Variants in PCDHGA3 observed in about 807,000 individuals in gnomAD.
PCDHGA3 encodes the protein protocadherin gamma subfamily A, 3, also known as protocadherin gamma-A3.
In PCDHGA3, 40 loss-of-function variants were observed where a neutral mutation model predicts 58.5. The ratio of observed to expected loss-of-function variants is 0.68; its 90% confidence interval spans 0.53 to 0.89. The LOEUF (loss-of-function observed/expected upper bound fraction) is 0.89. Ranked by LOEUF, PCDHGA3 falls within the 40% of genes least tolerant of loss-of-function variation. The pLI, the probability that PCDHGA3 is intolerant of heterozygous loss-of-function variation, is 0.00. For synonymous variants in PCDHGA3, 530 were observed against 525.7 expected, an observed-to-expected ratio of 1.01 and a Z score of -0.11; for missense variants, 1,223 against 1,195.9, an observed-to-expected ratio of 1.02 and a Z score of -0.33.
intron 1 of PCDHGA3, among the ~76,000 whole-genome samples, chr5:141,452,271 C>A (rs1592214421): frequency 6.6e-6 from 1 of 152,108 alleles, no homozygotes. Flanking sequence ...TTTCTTGAAC[C>A]CTTTCTTACT....
intron 1 of PCDHGA3, chr5:141,360,753 T>G (rs1761729946): frequency 6.2e-7 from 1 of 1,613,848 alleles, no homozygotes; most frequent in Non-Finnish European, 8.5e-7. Context: ...AAGAGCACAG[T>G]TTACATCAAT....
chr5:141,409,116 A>G (rs1236625059), intron 1 of PCDHGA3: 1 of 1,614,034 alleles, frequency 6.2e-7, no homozygotes. Flanking sequence ...AAGAATAACC[A>G]GTCATTTGAT....
At chr5:141,421,423 C>T in intron 1 of PCDHGA3, 1 of 1,614,052 alleles carries the variant, frequency 6.2e-7, no homozygotes, top group Non-Finnish European at 8.5e-7. Context: ...GCGCGGAGTC[C>T]GCATCGTCTC....
intron 1 of PCDHGA3, among the ~76,000 whole-genome samples, chr5:141,359,644 G>T (rs1297156437): frequency 6.6e-6 from 1 of 152,004 alleles, no homozygotes; most frequent in Non-Finnish European, 1.5e-5. Flanking sequence ...GTGTAAAGAA[G>T]GAGACAGAAT....
In PCDHGA3 at chr5:141,351,040, G is replaced by A. The variant is rs780012023; in HGVS notation, c.2424+4583G>A. ...TACCGTGGGGAACCTCCGTGCTGCG[G>A]GTGATGGCCACAGACCAGGATGAGG... On this transcript the variant is annotated intron_variant, in intron 1 of 3. Transcript: ENST00000253812. 16 of 1,613,958 alleles carry A rather than the reference G, an allele frequency of 9.9e-6. No homozygotes were observed. The Middle Eastern group carries it at 4.9e-4, about 50-fold the overall frequency.
At position 141,489,888 on chromosome 5, in the gene PCDHGA3, T is replaced by TG. The variant is rs759744295; in HGVS notation, c.2425-4913dup. On this transcript the variant is annotated intron_variant, in intron 1 of 3. Coordinates refer to ENST00000253812, the MANE Select transcript of PCDHGA3 (RefSeq NM_018916.4). The surrounding 1 kb of genome is among the most constrained non-coding windows in gnomAD (Gnocchi z 4.5). ...ATCAGCTGGTGCTTACTGCTGTGGATGGGGGGACCCCAGCCCGCTCAGGGA... is the reference window on the plus strand; with the variant it reads ...ATCAGCTGGTGCTTACTGCTGTGGATGGGGGGGACCCCAGCCCGCTCAGGGA... 6.4e-5 allele frequency: 103 copies of TG among 1,614,088 alleles called. No individual in the cohort carries two copies. Among genetic ancestry groups the TG allele is most frequent in the Non-Finnish European group, 8.6e-5 (101 of 1,180,048 alleles).
intron 1 of PCDHGA3, chr5:141,403,095 T>A (rs754367041): frequency 6.2e-7 from 1 of 1,614,026 alleles, no homozygotes; most frequent in East Asian, 2.2e-5. Flanking sequence ...GTGGGCAACA[T>A]CTCCAAGGAC....
chr5:141,356,169 T>C (rs1760137963), intron 1 of PCDHGA3: 1 of 1,613,022 alleles, frequency 6.2e-7, no homozygotes, highest in Non-Finnish European at 8.5e-7. Context: ...AAGCCCATGA[T>C]GGGCCTGGTC....
chr5:141,413,372 G>T lies in PCDHGA3; in HGVS notation c.2424+66915G>T, dbSNP rs760934804. ...CTGGCGCCCCGGGAGCTGGCGGAGCGCGGAGTCCGCATAGTCTCCAGAGGT... is the reference window on the plus strand; with the variant it reads ...CTGGCGCCCCGGGAGCTGGCGGAGCTCGGAGTCCGCATAGTCTCCAGAGGT... On this transcript the variant is annotated intron_variant, in intron 1 of 3. Transcript: ENST00000253812. The T allele has an allele frequency of 1.9e-6, 3 of 1,613,950 alleles. No individual in the cohort carries two copies. The South Asian group carries it at 3.3e-5, about 18-fold the overall frequency.
intron 1 of PCDHGA3, among the ~76,000 whole-genome samples, chr5:141,437,771 A>G (rs971065583): frequency 7.9e-5 from 12 of 151,238 alleles, no homozygotes; most frequent in Admixed American, 6.6e-5. Context: ...CAGAGTCTCA[A>G]TCTGTCGCCA....
intron 1 of PCDHGA3, among the ~76,000 whole-genome samples, chr5:141,401,851 T>C (rs902809229): frequency 3.9e-5 from 6 of 152,242 alleles, no homozygotes; most frequent in African/African-American, 1.4e-4. Context: ...CACTTACTTT[T>C]AACCTTTCAG....
chr5:141,478,163 C>G (rs779617960), intron 1 of PCDHGA3: 22 of 1,614,028 alleles, frequency 1.4e-5, no homozygotes, highest in Non-Finnish European at 1.9e-5. Context: ...TGGCTCTGCC[C>G]CCCGGGAGCA....
intron 1 of PCDHGA3, among the ~76,000 whole-genome samples, chr5:141,482,605 C>T (rs2099569133): frequency 6.7e-6 from 1 of 150,032 alleles, no homozygotes; most frequent in Admixed American, 6.6e-5. Flanking sequence ...GAAAAAACAC[C>T]TAAATGAGCC....
At position 141,418,594 on chromosome 5, in the gene PCDHGA3, C is replaced by G. The variant is rs775489120; in HGVS notation, c.2424+72137C>G. 2.9e-5 allele frequency: 47 copies of G among 1,613,904 alleles called. No individual in the cohort carries two copies. In the South Asian group the frequency reaches 4.6e-4, roughly 16 times the overall value. On this transcript the variant is annotated intron_variant, in intron 1 of 3. Transcript: ENST00000253812. ...ACAACCCCCCAGTGTTCAGCCAGGA[C>G]GTGTACAGGGTTAGCCTTCGGGAAG...
chr5:141,356,080 T>C, intron 1 of PCDHGA3: 4 of 1,613,922 alleles, frequency 2.5e-6, no homozygotes, highest in East Asian at 2.2e-5. Flanking sequence ...GCTATTTCAG[T>C]TGAATTCTCT....
chr5:141,456,746 T>C (rs548254725), intron 1 of PCDHGA3, among the ~76,000 whole-genome samples: 51 of 151,874 alleles, frequency 3.4e-4, no homozygotes, highest in African/African-American at 1.0e-3. Context: ...GGGAGCATCA[T>C]GAGGTCAGGA....
intron 1 of PCDHGA3, chr5:141,375,888 C>T (rs1049224011): frequency 6.2e-7 from 1 of 1,613,700 alleles, no homozygotes; most frequent in Non-Finnish European, 8.5e-7. Flanking sequence ...GGCCAGAACG[C>T]CTGGCTGTCC....
intron 1 of PCDHGA3, chr5:141,365,783 G>A: frequency 6.2e-7 from 1 of 1,613,842 alleles, no homozygotes; most frequent in Non-Finnish European, 8.5e-7. Flanking sequence ...CGGCGACAAC[G>A]CTCGAGTCAC....
intron 1 of PCDHGA3, chr5:141,370,873 C>T: frequency 6.2e-7 from 1 of 1,614,064 alleles, no homozygotes; most frequent in Non-Finnish European, 8.5e-7. Flanking sequence ...GCGCAAGATC[C>T]TGATGTAGGT....
Sources: gnomAD v4.1 joint callset for allele counts (sites outside exome capture counted in the v4.1 genomes callset) on GRCh38, gnomAD v4.1.1 for gene constraint, Gnocchi (gnomAD v3.1) non-coding constraint, MANE v1.5 for transcripts, NCBI Gene and HGNC (gene_info 2026-07-23, HGNC 2026-07-21) for gene names.